ANXA4: variants seen among roughly 807,000 people sequenced by gnomAD.
The protein encoded by ANXA4 is 35-beta calcimedin.
In ANXA4, 39 loss-of-function variants were observed where a neutral mutation model predicts 49.8. That is an observed-to-expected ratio of 0.78 (90% CI 0.61 to 1.02). The LOEUF is 1.02. ANXA4 is among the 50% of genes least tolerant of loss of function. ANXA4 has a pLI of 0.00. For missense variants in ANXA4, 360 were observed against 410.1 expected (o/e 0.88, Z 1.05); for synonymous variants, 134 against 152.5 (o/e 0.88, Z 0.89).
intron 2 of ANXA4, among the ~76,000 whole-genome samples, chr2:69,704,040 A>G (rs1678414863): frequency 6.6e-6 from 1 of 152,082 alleles, no homozygotes; most frequent in Admixed American, 6.6e-5. Flanking sequence ...CTTCTTGGCT[A>G]TTCTTTCTTG....
chr2:69,714,965 T>TAAGA (rs1678830500), intron 2 of ANXA4, among the ~76,000 whole-genome samples: 8 of 152,164 alleles, frequency 5.3e-5, no homozygotes, highest in African/African-American at 1.9e-4. Context: ...GTGGAGATGC[T>TAAGA]TTGGAGAGCT....
At chr2:69,717,712 C>A (rs1669685562) in intron 2 of ANXA4, among the ~76,000 whole-genome samples, 1 of 152,224 alleles carries the variant, frequency 6.6e-6, no homozygotes, top group African/African-American at 2.4e-5. Context: ...CCCCTCCCCA[C>A]AAAGCCTTGC....
At chr2:69,746,033 G>C (rs1400784099) in intron 1 of ANXA4, among the ~76,000 whole-genome samples, 1 of 150,690 alleles carries the variant, frequency 6.6e-6, no homozygotes, top group Non-Finnish European at 1.5e-5. Context: ...TGTTTTCGAG[G>C]CAGAATCTTG....
intron 3 of ANXA4, among the ~76,000 whole-genome samples, chr2:69,794,965 G>A (rs1417925913): frequency 6.6e-6 from 1 of 152,124 alleles, no homozygotes; most frequent in Non-Finnish European, 1.5e-5. Context: ...CAAAGGAAAT[G>A]GGCCTAATCC....
At chr2:69,660,420 A>C (rs963377868) in intron 2 of ANXA4, among the ~76,000 whole-genome samples, 2 of 152,218 alleles carry the variant, frequency 1.3e-5, no homozygotes, top group Admixed American at 1.3e-4. Flanking sequence ...ATAGAAAAAC[A>C]GCGTAAAACA....
At chr2:69,790,861 A>T (rs1672660192) in intron 3 of ANXA4, among the ~76,000 whole-genome samples, 2 of 152,250 alleles carry the variant, frequency 1.3e-5, no homozygotes, top group Non-Finnish European at 2.9e-5. Context: ...CTACAGGTTA[A>T]TAACAGATGT....
intron 2 of ANXA4, among the ~76,000 whole-genome samples, chr2:69,786,320 C>T (rs1178212966): frequency 2.0e-5 from 3 of 152,132 alleles, no homozygotes; most frequent in African/African-American, 4.8e-5. Context: ...GCTGTCTGTT[C>T]CTCTGTTTAT....
intron 8 of ANXA4, chr2:69,815,810 G>T: frequency 3.0e-6 from 1 of 334,260 alleles, no homozygotes; most frequent in Non-Finnish European, 5.6e-6. Context: ...CAACTGTAGG[G>T]GACAGCCCAA....
At chr2:69,704,114 T>C (rs1678416906) in intron 2 of ANXA4, among the ~76,000 whole-genome samples, 1 of 152,222 alleles carries the variant, frequency 6.6e-6, no homozygotes, top group African/African-American at 2.4e-5. Flanking sequence ...TTTAAATATT[T>C]TTATTGGGAT....
upstream of ANXA4, chr2:69,644,010 G>T (rs1675888876): frequency 2.0e-6 from 1 of 494,268 alleles, no homozygotes; most frequent in Non-Finnish European, 2.7e-6. Context: ...GCACAGTCCG[G>T]CTGCTGGACT....
intron 3 of ANXA4, among the ~76,000 whole-genome samples, chr2:69,797,479 A>T (rs1455977506): frequency 6.6e-6 from 1 of 152,190 alleles, no homozygotes; most frequent in Non-Finnish European, 1.5e-5. Context: ...CTTCTTGATA[A>T]ATGGATCTCC....
chr2:69,795,588 C>T (rs1672910877), intron 3 of ANXA4, among the ~76,000 whole-genome samples: 1 of 152,166 alleles, frequency 6.6e-6, no homozygotes, highest in Non-Finnish European at 1.5e-5. Context: ...TTCCTGGCCT[C>T]TGGCTTTAGA....
chr2:69,788,098 C>A lies in ANXA4; in HGVS notation c.54C>A (p.Ala18=). 6.2e-7 allele frequency: 1 copy of A among 1,614,072 alleles called. No homozygotes were observed. Among genetic ancestry groups the A allele is most frequent in the Non-Finnish European group, 8.5e-7 (1 of 1,179,948 alleles). Residue 18 remains alanine, a synonymous_variant, in exon 3 of 13, where the codon GCC becomes GCA. Coordinates refer to ENST00000394295, the MANE Select transcript of ANXA4 (RefSeq NM_001153.5). ...GTVKAASGFN[A]MEDAQTLRKA... ...TCAAAGCTGCTTCAGGATTCAATGC[C>A]ATGGAAGATGCCCAGACCCTGAGGA...
intron 2 of ANXA4, among the ~76,000 whole-genome samples, chr2:69,666,908 T>A (rs1384316830): frequency 6.6e-6 from 1 of 152,092 alleles, no homozygotes; most frequent in Non-Finnish European, 1.5e-5. Context: ...TAGCTAAGCG[T>A]GTTGGTGCAC....
chr2:69,812,612 A>G, intron 7 of ANXA4, 41 bp from the exon 8 acceptor site: 4 of 1,561,058 alleles, frequency 2.6e-6, no homozygotes, highest in South Asian at 1.1e-5. Flanking sequence ...ATCTTCATGT[A>G]TACTCTCGAA....
rs570336690 is a variant in ANXA4 at position 69,698,252 on chromosome 2, C to T, written n.767-22522C>T. ...TTCATGAATTTCCTCCCAAAGGTTC[C>T]GCCTCCTAATACCATCACCTTGAGG... On this transcript the variant is annotated intron_variant and non_coding_transcript_variant, in intron 2 of 3. Coordinates refer to the ANXA4 transcript ENST00000418066. Among the ~76,000 whole-genome samples, 8 of 152,302 alleles carry T rather than the reference C, an allele frequency of 5.3e-5. 1 individual carries two copies. In the South Asian group the frequency reaches 1.0e-3, roughly 20 times the overall value.
chr2:69,806,572 C>A (rs1673452466), intron 5 of ANXA4, 74 bp downstream of exon 5: 1 of 1,301,318 alleles, frequency 7.7e-7, no homozygotes, highest in Non-Finnish European at 1.1e-6. Flanking sequence ...AAACTGTCAC[C>A]CAATAAGAAA....
chr2:69,822,999 C>T (rs1009938307), intron 12 of ANXA4, among the ~76,000 whole-genome samples: 5 of 150,876 alleles, frequency 3.3e-5, no homozygotes, highest in Non-Finnish European at 7.4e-5. Flanking sequence ...AAGTATAATA[C>T]TTCATCATAG....
At chr2:69,728,397 T>C (rs1293465857) in intron 3 of ANXA4, among the ~76,000 whole-genome samples, 2 of 152,234 alleles carry the variant, frequency 1.3e-5, no homozygotes, top group Non-Finnish European at 2.9e-5. Flanking sequence ...ACTGAATTTA[T>C]TTATTTTTCT....
Sources: gnomAD v4.1 joint callset for allele counts (sites outside exome capture counted in the v4.1 genomes callset) on GRCh38, gnomAD v4.1.1 for gene constraint, MANE v1.5 for transcripts, NCBI Gene and HGNC (gene_info 2026-07-23, HGNC 2026-07-21) for gene names.